Variants in HEMK2 observed in about 807,000 individuals in gnomAD.
HEMK2 encodes methyltransferase HEMK2.
the HEMK2 span, among the ~76,000 whole-genome samples, chr21:28,658,459 A>T: frequency 6.6e-6 from 1 of 152,188 alleles, no homozygotes; most frequent in African/African-American, 2.4e-5. Flanking sequence ...GATGAAGCCT[A>T]GGTGCCCATT....
the HEMK2 span, among the ~76,000 whole-genome samples, chr21:28,699,008 T>A: frequency 6.6e-6 from 1 of 152,174 alleles, no homozygotes; most frequent in East Asian, 1.9e-4. Flanking sequence ...AATGTAAGCA[T>A]TCATGTGTTT....
At chr21:28,806,416 C>T in the HEMK2 span, among the ~76,000 whole-genome samples, 2 of 152,096 alleles carry the variant, frequency 1.3e-5, no homozygotes, top group African/African-American at 2.4e-5. Flanking sequence ...GAACCTGATA[C>T]GGATTAAACT....
the HEMK2 span, chr21:28,879,766 T>A: frequency 0.58 from 460,388 of 799,054 alleles, 139,608 homozygotes; most frequent in Non-Finnish European, 0.63. Flanking sequence ...ATCAGAGTAG[T>A]CTGTGATAGC....
the HEMK2 span, among the ~76,000 whole-genome samples, chr21:28,615,188 T>C: frequency 6.6e-6 from 1 of 152,142 alleles, no homozygotes; most frequent in Non-Finnish European, 1.5e-5. Flanking sequence ...TAGAAAGATC[T>C]GTAGTTCATG....
chr21:28,682,274 T>C, the HEMK2 span, among the ~76,000 whole-genome samples: 1 of 152,158 alleles, frequency 6.6e-6, no homozygotes, highest in Non-Finnish European at 1.5e-5. Context: ...AAGAAGACAT[T>C]TGTGCAGCCA....
the HEMK2 span, among the ~76,000 whole-genome samples, chr21:28,672,736 C>T: frequency 6.6e-6 from 1 of 152,006 alleles, no homozygotes; most frequent in South Asian, 2.1e-4. Context: ...AACCAAATGC[C>T]CTGCTCTTTT....
chr21:28,621,791 T>G, the HEMK2 span, among the ~76,000 whole-genome samples: 1 of 152,194 alleles, frequency 6.6e-6, no homozygotes, highest in Admixed American at 6.5e-5. Context: ...TGTCATCAGT[T>G]AAGGCTGTTT....
At chr21:28,647,723 G>T in the HEMK2 span, among the ~76,000 whole-genome samples, 2 of 152,074 alleles carry the variant, frequency 1.3e-5, no homozygotes, top group African/African-American at 2.4e-5. Context: ...TACATGAAGT[G>T]AATGGACACC....
the HEMK2 span, chr21:28,878,332 A>G: frequency 1.9e-6 from 3 of 1,612,632 alleles, no homozygotes; most frequent in Non-Finnish European, 2.5e-6. Context: ...GTGACTTCCT[A>G]CCTGTGAACA....
chr21:28,789,037 GAACAAACT>G, the HEMK2 span, among the ~76,000 whole-genome samples: 1 of 152,036 alleles, frequency 6.6e-6, no homozygotes, highest in East Asian at 1.9e-4. Context: ...CCCTAAGAGG[GAACAAACT>G]CTGCTGACTC....
At chr21:28,592,323 C>A in the HEMK2 span, among the ~76,000 whole-genome samples, 1 of 152,190 alleles carries the variant, frequency 6.6e-6, no homozygotes, top group Admixed American at 6.5e-5. Flanking sequence ...TTTTACACAT[C>A]AATAGTGAGG....
the HEMK2 span, among the ~76,000 whole-genome samples, chr21:28,718,226 T>C: frequency 1.3e-5 from 2 of 152,220 alleles, no homozygotes; most frequent in African/African-American, 4.8e-5. Context: ...TGTAATTGTC[T>C]AGTTTTGAGA....
At chr21:28,835,115 A>G in the HEMK2 span, among the ~76,000 whole-genome samples, 1 of 152,010 alleles carries the variant, frequency 6.6e-6, no homozygotes. Flanking sequence ...GGCCCCACCC[A>G]CCACCAGTTC....
chr21:28,751,345 T>A, the HEMK2 span, among the ~76,000 whole-genome samples: 1 of 152,148 alleles, frequency 6.6e-6, no homozygotes. Context: ...ACTGCATGAA[T>A]TCTTCCTAAA....
chr21:28,616,312 A>G, the HEMK2 span, among the ~76,000 whole-genome samples: 1 of 152,168 alleles, frequency 6.6e-6, no homozygotes, highest in African/African-American at 2.4e-5. Flanking sequence ...AACAATGGCA[A>G]TTTTCATCAG....
At chr21:28,578,938 A>G in the HEMK2 span, among the ~76,000 whole-genome samples, 2 of 152,196 alleles carry the variant, frequency 1.3e-5, no homozygotes, top group Non-Finnish European at 2.9e-5. Context: ...CCAAATTCAG[A>G]TATGGAATTA....
At chr21:28,771,518 A>ACCACC in the HEMK2 span, among the ~76,000 whole-genome samples, 3 of 105,594 alleles carry the variant, frequency 2.8e-5, no homozygotes, top group African/African-American at 1.0e-4. Flanking sequence ...AAGATGCACC[A>ACCACC]CCCCCCCCCG....
At chr21:28,878,159 T>C in the HEMK2 span, 2 of 1,496,190 alleles carry the variant, frequency 1.3e-6, no homozygotes, top group African/African-American at 1.5e-5. Flanking sequence ...TTCAGCAACA[T>C]AAATGCTTAA....
chr21:28,647,575 C>T, the HEMK2 span, among the ~76,000 whole-genome samples: 1 of 151,690 alleles, frequency 6.6e-6, no homozygotes, highest in African/African-American at 2.4e-5. Context: ...CCAAAAACTC[C>T]ACCCAACGTC....
Sources: gnomAD v4.1 joint callset for allele counts (sites outside exome capture counted in the v4.1 genomes callset) on GRCh38, gnomAD v4.1.1 for gene constraint, MANE v1.5 for transcripts, NCBI Gene and HGNC (gene_info 2026-07-23, HGNC 2026-07-21) for gene names.